The following KIAA1328 variants were observed in gnomAD, a reference collection of about 807,000 sequenced individuals.
KIAA1328 encodes the protein protein hinderin.
KIAA1328 carries 52 observed loss-of-function variants against 68.1 expected under a neutral mutation model. The ratio of observed to expected loss-of-function variants is 0.76; its 90% confidence interval spans 0.61 to 0.96. The LOEUF (loss-of-function observed/expected upper bound fraction) is 0.96. KIAA1328 is among the 40% of genes least tolerant of loss of function. KIAA1328 has a pLI of 0.00. For missense variants in KIAA1328, 641 were observed against 677.6 expected, an observed-to-expected ratio of 0.95 and a Z score of 0.60; for synonymous variants, 232 against 239.4, an observed-to-expected ratio of 0.97 and a Z score of 0.28.
chr18:37,125,682 T>C (rs1263767075), intron 7 of KIAA1328, among the ~76,000 whole-genome samples: 1 of 152,176 alleles, frequency 6.6e-6, no homozygotes, highest in Non-Finnish European at 1.5e-5. Context: ...TCTACAGATA[T>C]TACAGAGTTA....
intron 4 of KIAA1328, among the ~76,000 whole-genome samples, chr18:36,868,472 T>TA (rs2047830087): frequency 1.3e-5 from 2 of 152,208 alleles, no homozygotes; most frequent in Non-Finnish European, 2.9e-5. Flanking sequence ...CTTTGCAAAA[T>TA]ACTATAGTTT....
chr18:36,919,410 T>G (rs2049834990), intron 5 of KIAA1328, among the ~76,000 whole-genome samples: 1 of 152,174 alleles, frequency 6.6e-6, no homozygotes, highest in African/African-American at 2.4e-5. Context: ...AGTCTAACAA[T>G]TCCTGCCTTG....
intron 6 of KIAA1328, among the ~76,000 whole-genome samples, chr18:37,035,879 G>A (rs569189960): frequency 1.3e-5 from 2 of 152,182 alleles, no homozygotes; most frequent in Admixed American, 1.3e-4. Context: ...AACTTCTTCT[G>A]ACTTAAGTGT....
At chr18:37,140,779 G>C (rs553084356) in intron 7 of KIAA1328, among the ~76,000 whole-genome samples, 4 of 152,206 alleles carry the variant, frequency 2.6e-5, no homozygotes, top group African/African-American at 7.2e-5. Flanking sequence ...ACAGAAAACT[G>C]TTTCTAATAA....
At position 37,066,924 on chromosome 18, in the gene KIAA1328, C is replaced by T; in HGVS notation, c.611C>T (p.Ser204Phe). Residue 204 changes from serine to phenylalanine, a missense_variant, in exon 7 of 10, where the codon TCT (serine) becomes TTT (phenylalanine). Physicochemically the swap from Ser to Phe is radical, Grantham distance 155. Coordinates refer to ENST00000280020, the MANE Select transcript of KIAA1328 (RefSeq NM_020776.3). ...SSRKSTLQCS[S>F]VELDGSYLSI... is the part of the protein sequence containing the mutation. ...AGAAAAAGCACTCTCCAGTGTTCAT[C>T]TGTGGAACTGGATGGTTCCTACTTG... is the stretch of plus-strand genomic sequence containing the variant. 1 of 1,607,432 alleles carries T rather than the reference C, an allele frequency of 6.2e-7. No individual in the cohort carries two copies. The highest frequency in any genetic ancestry group is 8.5e-7 in the Non-Finnish European group (1 of 1,176,590).
Position 36,866,649 on chromosome 18 carries a change from T to G in KIAA1328, c.333-18908T>G, listed in dbSNP as rs975342089. Among the ~76,000 whole-genome samples, 4 of 152,284 alleles carry G rather than the reference T, an allele frequency of 2.6e-5. No individual in the cohort carries two copies. The South Asian group carries it at 8.3e-4, about 32-fold the overall frequency. On this transcript the variant is annotated intron_variant, in intron 4 of 9. Coordinates refer to ENST00000280020, the MANE Select transcript of KIAA1328 (RefSeq NM_020776.3). Reference sequence around the variant, plus strand: ...TCTTTTGTCTTCTGCCTATCTTGCCTGATATATTGCATTTTTAATCAGTCA... The same window carrying G: ...TCTTTTGTCTTCTGCCTATCTTGCCGGATATATTGCATTTTTAATCAGTCA...
At chr18:37,106,921 C>T (rs562710269) in intron 7 of KIAA1328, among the ~76,000 whole-genome samples, 8 of 152,308 alleles carry the variant, frequency 5.3e-5, no homozygotes, top group Admixed American at 4.6e-4. Flanking sequence ...CCACTTACCC[C>T]TTACACTAGT....
At chr18:37,229,737 T>A, downstream of KIAA1328, 1 of 306,918 alleles carries the variant, frequency 3.3e-6, no homozygotes. Context: ...ATACAAAAAA[T>A]TACCTGAGCG....
chr18:36,918,695 G>A (rs915480610), intron 5 of KIAA1328, among the ~76,000 whole-genome samples: 8 of 152,120 alleles, frequency 5.3e-5, no homozygotes, highest in African/African-American at 9.7e-5. Context: ...GATTACATGC[G>A]TGAGCCACTG....
intron 5 of KIAA1328, among the ~76,000 whole-genome samples, chr18:36,928,822 C>T (rs1294498057): frequency 6.6e-6 from 1 of 152,172 alleles, no homozygotes; most frequent in East Asian, 1.9e-4. Context: ...CTTCTGCCCC[C>T]TTCTCTCACT....
intron 7 of KIAA1328, among the ~76,000 whole-genome samples, chr18:37,087,991 G>C (rs1025248426): frequency 1.3e-5 from 2 of 152,156 alleles, no homozygotes; most frequent in African/African-American, 4.8e-5. Flanking sequence ...AGGAGGACAC[G>C]TTGGCTTTTC....
intron 6 of KIAA1328, among the ~76,000 whole-genome samples, chr18:37,051,572 A>G (rs2055694890): frequency 6.6e-6 from 1 of 152,194 alleles, no homozygotes; most frequent in Non-Finnish European, 1.5e-5. Flanking sequence ...AAATCTATCA[A>G]AGAAAACCCT....
intron 7 of KIAA1328, among the ~76,000 whole-genome samples, chr18:37,159,768 A>C (rs546252450): frequency 1.4e-4 from 22 of 152,194 alleles, no homozygotes; most frequent in Non-Finnish European, 2.9e-4. Flanking sequence ...AATACTAATA[A>C]CAATTGAAAA....
chr18:37,152,971 G>A (rs994525332), intron 7 of KIAA1328, among the ~76,000 whole-genome samples: 2 of 152,118 alleles, frequency 1.3e-5, no homozygotes, highest in Admixed American at 1.3e-4. Context: ...GTTCAACATG[G>A]AGGCTCCATC....
At chr18:37,060,042 A>G (rs1240860046) in intron 6 of KIAA1328, among the ~76,000 whole-genome samples, 1 of 152,092 alleles carries the variant, frequency 6.6e-6, no homozygotes, top group African/African-American at 2.4e-5. Flanking sequence ...TAGCATTAGG[A>G]AAAATACCTA....
At chr18:37,133,594 C>T (rs1449281044) in intron 7 of KIAA1328, among the ~76,000 whole-genome samples, 2 of 147,510 alleles carry the variant, frequency 1.4e-5, no homozygotes, top group Non-Finnish European at 3.0e-5. Context: ...GGCCCGATCT[C>T]TGCTCACTGC....
intron 6 of KIAA1328, among the ~76,000 whole-genome samples, chr18:36,970,533 A>G (rs957136276): frequency 1.3e-5 from 2 of 152,214 alleles, no homozygotes; most frequent in African/African-American, 4.8e-5. Context: ...TGCAGATGAT[A>G]TGAGTGTATA....
Position 37,067,485 on chromosome 18 carries a change from A to G in KIAA1328, c.1172A>G (p.Gln391Arg). The G allele has an allele frequency of 1.9e-6, 3 of 1,549,734 alleles. No individual in the cohort carries two copies. Among genetic ancestry groups the G allele is most frequent in the Non-Finnish European group, 2.6e-6 (3 of 1,149,228 alleles). Residue 391 changes from glutamine (Q) to arginine (R), a missense_variant, in exon 7 of 10, where the codon CAG becomes CGG. Transcript: ENST00000280020. ...CGCCTTCAGCATCTGCTGGCCCAGCAGGAGACAAAGCTTCTTCTAAAACAG... is the reference window on the plus strand; with the variant it reads ...CGCCTTCAGCATCTGCTGGCCCAGCGGGAGACAAAGCTTCTTCTAAAACAG... ...KERLQHLLAQ[Q>R]ETKLLLKQQQ...
chr18:37,028,612 G>A (rs2590850), intron 6 of KIAA1328, among the ~76,000 whole-genome samples: 111,228 of 151,862 alleles, frequency 0.73, 43,875 homozygotes, highest in South Asian at 0.89. Flanking sequence ...TGGTTTGCAA[G>A]GGTAATGTTT....
Sources: gnomAD v4.1 joint callset for allele counts (sites outside exome capture counted in the v4.1 genomes callset) on GRCh38, gnomAD v4.1.1 for gene constraint, MANE v1.5 for transcripts, NCBI Gene and HGNC (gene_info 2026-07-23, HGNC 2026-07-21) for gene names.